The following SLC31A1 variants were observed in gnomAD, a reference collection of about 807,000 sequenced individuals.
The protein encoded by SLC31A1 is solute carrier family 31 member 1.
In SLC31A1, 5 loss-of-function variants were observed where a neutral mutation model predicts 17.2. That is an observed-to-expected ratio of 0.29 (90% CI 0.15 to 0.61). The LOEUF is 0.61. Ranked by LOEUF, SLC31A1 falls within the 20% of genes least tolerant of loss-of-function variation. The pLI, the probability that SLC31A1 is intolerant of heterozygous loss-of-function variation, is 0.86. For synonymous variants in SLC31A1, 76 were observed against 78.8 expected, an observed-to-expected ratio of 0.96 and a Z score of 0.19; for missense variants, 161 against 241.4, an observed-to-expected ratio of 0.67 and a Z score of 2.21.
At chr9:113,234,896 G>A (rs1407579258) in intron 1 of SLC31A1, among the ~76,000 whole-genome samples, 6 of 152,060 alleles carry the variant, frequency 3.9e-5, no homozygotes, top group Admixed American at 6.6e-5. Context: ...CCAGTTTTAC[G>A]TGTACTTATT....
chr9:113,244,755 G>A (rs546068102), intron 1 of SLC31A1, among the ~76,000 whole-genome samples: 18 of 152,156 alleles, frequency 1.2e-4, no homozygotes, highest in South Asian at 2.1e-4. Context: ...GTATGTGGGC[G>A]TGTGAGGTAA....
intron 1 of SLC31A1, among the ~76,000 whole-genome samples, chr9:113,230,342 G>A (rs1486698846): frequency 6.6e-6 from 1 of 152,316 alleles, no homozygotes; most frequent in East Asian, 1.9e-4. Flanking sequence ...TCCTGCCTCA[G>A]CCTACCAAAG....
chr9:113,231,010 A>G (rs1831396862), intron 1 of SLC31A1, among the ~76,000 whole-genome samples: 1 of 152,078 alleles, frequency 6.6e-6, no homozygotes, highest in Non-Finnish European at 1.5e-5. Context: ...GTACTTCATA[A>G]TACTTGTTGA....
chr9:113,255,433 TG>T (rs1831709660), intron 1 of SLC31A1, among the ~76,000 whole-genome samples: 1 of 152,230 alleles, frequency 6.6e-6, no homozygotes, highest in African/African-American at 2.4e-5. Flanking sequence ...GGAACTATAC[TG>T]GTGGGGCACA....
At chr9:113,240,937 C>T (rs977589091) in intron 1 of SLC31A1, among the ~76,000 whole-genome samples, 2 of 151,502 alleles carry the variant, frequency 1.3e-5, no homozygotes, top group Non-Finnish European at 2.9e-5. Context: ...GTAATCCCAG[C>T]TACTCTGGAG....
chr9:113,257,568 C>G (rs1227913095), intron 3 of SLC31A1, among the ~76,000 whole-genome samples: 2 of 144,554 alleles, frequency 1.4e-5, no homozygotes, highest in Non-Finnish European at 3.0e-5. Context: ...TCACTGCAAT[C>G]TCTGCCTCCC....
intron 1 of SLC31A1, among the ~76,000 whole-genome samples, chr9:113,253,958 CTTTT>C (rs397967653): frequency 9.1e-6 from 1 of 110,418 alleles, no homozygotes; most frequent in Non-Finnish European, 1.8e-5. Flanking sequence ...TACCCACAGT[CTTTT>C]TTTTTTTTTT....
intron 1 of SLC31A1, chr9:113,223,196 T>G (rs1232554517): frequency 6.8e-6 from 3 of 440,778 alleles, no homozygotes; most frequent in African/African-American, 6.1e-5. Flanking sequence ...TTTTGGTGAT[T>G]GGAACATCAC....
chr9:113,259,563 TTTTTTTTC>T (rs1327487961), intron 4 of SLC31A1, among the ~76,000 whole-genome samples: 2 of 148,648 alleles, frequency 1.3e-5, no homozygotes, highest in South Asian at 2.1e-4. Flanking sequence ...TCAATTCTAT[TTTTTTTTC>T]TTTTTTTCTT....
At chr9:113,259,242 T>C (rs988751284) in intron 4 of SLC31A1, among the ~76,000 whole-genome samples, 2 of 152,258 alleles carry the variant, frequency 1.3e-5, no homozygotes, top group Admixed American at 1.3e-4. Flanking sequence ...GTCCTCTTTT[T>C]CTTTACAATG....
chr9:113,260,140 T>G, intron 4 of SLC31A1, 132 bp from the exon 5 acceptor site: 1 of 769,372 alleles, frequency 1.3e-6, no homozygotes, highest in Non-Finnish European at 2.3e-6. Flanking sequence ...TCAAAGAACA[T>G]TCAAGTACCC....
At chr9:113,249,765 G>T (rs377400934) in intron 1 of SLC31A1, among the ~76,000 whole-genome samples, 1 of 151,622 alleles carries the variant, frequency 6.6e-6, no homozygotes, top group African/African-American at 2.4e-5. Flanking sequence ...GAAAATTTTC[G>T]CAACCTACTC....
intron 1 of SLC31A1, among the ~76,000 whole-genome samples, chr9:113,224,119 C>G (rs139177982): frequency 6.6e-6 from 1 of 152,272 alleles, no homozygotes; most frequent in Non-Finnish European, 1.5e-5. Context: ...TAGAACACAG[C>G]CTTTCTCATT....
intron 1 of SLC31A1, among the ~76,000 whole-genome samples, chr9:113,252,149 T>C (rs921060186): frequency 6.6e-6 from 1 of 152,232 alleles, no homozygotes; most frequent in African/African-American, 2.4e-5. Flanking sequence ...TGTGGCATCA[T>C]TGAGTAGATT....
intron 1 of SLC31A1, among the ~76,000 whole-genome samples, chr9:113,242,806 T>A (rs1156297351): frequency 6.6e-6 from 1 of 152,244 alleles, no homozygotes; most frequent in East Asian, 1.9e-4. Context: ...CTTAGAGACT[T>A]AATTCACATA....
intron 1 of SLC31A1, among the ~76,000 whole-genome samples, chr9:113,232,505 C>T (rs1160035819): frequency 6.6e-6 from 1 of 151,816 alleles, no homozygotes; most frequent in Admixed American, 6.6e-5. Context: ...GGGTTAGATT[C>T]ATTTGCACAC....
intron 1 of SLC31A1, among the ~76,000 whole-genome samples, chr9:113,248,264 C>T (rs1831605663): frequency 6.6e-6 from 1 of 151,862 alleles, no homozygotes; most frequent in African/African-American, 2.4e-5. Flanking sequence ...GCGGAGGTTG[C>T]AATGAGCTGA....
At chr9:113,227,066 A>G (rs1831349325) in intron 1 of SLC31A1, among the ~76,000 whole-genome samples, 1 of 152,044 alleles carries the variant, frequency 6.6e-6, no homozygotes, top group Admixed American at 6.6e-5. Context: ...TCATCATGGT[A>G]CCTTCATTCG....
intron 1 of SLC31A1, among the ~76,000 whole-genome samples, chr9:113,255,453 C>T (rs1046519586): frequency 6.6e-5 from 10 of 152,168 alleles, no homozygotes; most frequent in Non-Finnish European, 1.5e-4. Context: ...CAGTGGCTTA[C>T]ACCTGTAATC....
Sources: allele counts gnomAD v4.1 joint callset (sites outside exome capture counted in the v4.1 genomes callset), GRCh38; gene constraint gnomAD v4.1.1; transcripts MANE v1.5; gene names NCBI Gene and HGNC (gene_info 2026-07-23, HGNC 2026-07-21).